ACAT1: variants seen among roughly 807,000 people sequenced by gnomAD.
ACAT1 encodes the protein acetyl-CoA acetyltransferase, mitochondrial.
A neutral mutation model predicts 47.3 loss-of-function variants in ACAT1; 28 were observed. That is an observed-to-expected ratio of 0.59 (90% confidence interval 0.44 to 0.81). The LOEUF (loss-of-function observed/expected upper bound fraction) is 0.81, where lower values mean the gene tolerates loss of function less well. Among genes scored for constraint, ACAT1 ranks in the 30% least tolerant of loss-of-function variants. The probability of loss-of-function intolerance (pLI) is 0.00; values close to 1 mark genes in which losing one functional copy is unlikely to be tolerated. For missense variants in ACAT1, 469 were observed against 524.3 expected, an observed-to-expected ratio of 0.89 and a Z score of 1.03; for synonymous variants, 181 against 173.6, an observed-to-expected ratio of 1.04 and a Z score of -0.34.
Position 108,141,630 on chromosome 11 carries a change from A to G in ACAT1, c.756A>G (p.Glu252=). The stretch of plus-strand genomic sequence containing the variant: ...GTCAACCAGATGTAGTGGTGAAAGA[A>G]GATGAAGAATATAAACGTGTTGATT... ...VKGQPDVVVK[E]DEEYKRVDFS... Residue 252 remains glutamate, a synonymous_variant, in exon 8 of 12, where the codon GAA becomes GAG. Transcript: ENST00000265838. 2 of 1,613,360 alleles carry G rather than the reference A, an allele frequency of 1.2e-6. No homozygotes were observed. The highest frequency in any genetic ancestry group is 2.2e-5 in the South Asian group (2 of 91,074).
At chr11:108,136,634 G>C (rs2077474025) in intron 5 of ACAT1, 1 of 152,090 alleles carries the variant, frequency 6.6e-6, no homozygotes, top group South Asian at 2.1e-4. Flanking sequence ...GTGACTTATA[G>C]GCATTCTTGG....
intron 5 of ACAT1, chr11:108,138,609 C>G (rs1048143557): frequency 4.9e-5 from 19 of 384,436 alleles, no homozygotes; most frequent in Non-Finnish European, 8.9e-5. Flanking sequence ...GTTGGCCAGG[C>G]GGATCCAGAA....
At position 108,138,967 on chromosome 11, in the gene ACAT1, C is replaced by G. The variant is rs1218856386; in HGVS notation, c.505C>G (p.Pro169Ala). 6.2e-7 allele frequency: 1 copy of G among 1,613,932 alleles called. No homozygotes were observed. ...VPYVMNRGST[P>A]YGGVKLEDLI... ...ATATGTAATGAACAGAGGATCAACA[C>G]CATATGGTGGGGTAAAGCTTGAAGA... The change falls in exon 6 of 12, where the codon CCA becomes GCA. Residue 169 changes from proline (P) to alanine (A), a missense_variant. Physicochemically the swap from Pro to Ala is conservative, Grantham distance 27. Coordinates refer to ENST00000265838, the MANE Select transcript of ACAT1 (RefSeq NM_000019.4).
At chr11:108,127,361 T>A in intron 1 of ACAT1, among the ~76,000 whole-genome samples, 1 of 150,436 alleles carries the variant, frequency 6.6e-6, no homozygotes. Flanking sequence ...ACTTCCCGGG[T>A]TCACACCATT....
chr11:108,122,162 G>A (rs1271611663), intron 1 of ACAT1, among the ~76,000 whole-genome samples: 2 of 152,240 alleles, frequency 1.3e-5, no homozygotes, highest in Non-Finnish European at 2.9e-5. Context: ...CATAACAGAT[G>A]TTTTTTGGAG....
chr11:108,122,461 C>T (rs1326833644), intron 1 of ACAT1, among the ~76,000 whole-genome samples: 2 of 152,348 alleles, frequency 1.3e-5, no homozygotes. Flanking sequence ...GGGCAATAAG[C>T]TTGGAGATCC....
intron 10 of ACAT1, among the ~76,000 whole-genome samples, chr11:108,145,887 A>G (rs745417136): frequency 3.9e-5 from 6 of 152,138 alleles, no homozygotes; most frequent in Non-Finnish European, 1.5e-5. Context: ...CTCTACTAAA[A>G]ATACAAAAAA....
chr11:108,136,715 C>T (rs1449759546), intron 5 of ACAT1: 1 of 152,022 alleles, frequency 6.6e-6, no homozygotes, highest in Non-Finnish European at 1.5e-5. Flanking sequence ...GAATTGATAC[C>T]TTATTTTCTG....
chr11:108,140,016 T>C, intron 6 of ACAT1, 49 bp from the exon 7 acceptor site: 1 of 1,572,626 alleles, frequency 6.4e-7, no homozygotes, highest in Non-Finnish European at 8.7e-7. Context: ...TAATAGATAT[T>C]TTCTAAATTA....
chr11:108,144,552 G>C lies in ACAT1; in HGVS notation c.1005+505G>C, dbSNP rs73559266. ...TGCTAAGCAGTCACAGGAAAAGAAA[G>C]TTTTAGGGGTTCAGGGTTCTTAGAA... is the stretch of plus-strand genomic sequence containing the variant. On this transcript the variant is annotated intron_variant, in intron 10 of 11. Coordinates refer to ENST00000265838, the MANE Select transcript of ACAT1 (RefSeq NM_000019.4). Among the ~76,000 whole-genome samples, 1,374 of 152,252 alleles carry C rather than the reference G, an allele frequency of 9.0e-3. 21 individuals carry two copies. Among genetic ancestry groups the C allele is most frequent in the African/African-American group, 0.031 (1,295 of 41,544 alleles).
At chr11:108,122,653 A>G (rs1418484845) in intron 1 of ACAT1, among the ~76,000 whole-genome samples, 1 of 152,210 alleles carries the variant, frequency 6.6e-6, no homozygotes, top group African/African-American at 2.4e-5. Context: ...AGGACTTGAC[A>G]ATTAGGGAGT....
At chr11:108,116,817 G>C (rs532872381), upstream of ACAT1, among the ~76,000 whole-genome samples, 54 of 152,262 alleles carry the variant, frequency 3.5e-4, no homozygotes, top group African/African-American at 1.3e-3. Context: ...ATCTTGGAGA[G>C]AGGCATGGAA....
At chr11:108,118,138 C>T (rs1435711747), upstream of ACAT1, among the ~76,000 whole-genome samples, 1 of 152,058 alleles carries the variant, frequency 6.6e-6, no homozygotes, top group Non-Finnish European at 1.5e-5. Context: ...TTTTCTTTGG[C>T]CAGGTGTGGT....
chr11:108,147,522 A>G lies in ACAT1; in HGVS notation c.*132A>G. The G allele has an allele frequency of 8.2e-7, 1 of 1,218,246 alleles. No individual in the cohort carries two copies. The highest frequency in any genetic ancestry group is 1.1e-6 in the Non-Finnish European group (1 of 870,328). The allele number at this position is 1,218,246 out of a possible 1,614,324, so 75.5% of individuals were successfully genotyped here. A position where few individuals can be genotyped will look rare whatever the true frequency, so the allele number is the denominator to read the frequency against. ...TATTATTTTCTATGTTAACTTTTAA[A>G]AATCAAAATGATGAAATCCCAAAAC... On this transcript the variant is annotated 3_prime_UTR_variant, in exon 12 of 12. Coordinates refer to ENST00000265838, the MANE Select transcript of ACAT1 (RefSeq NM_000019.4).
chr11:108,118,777 G>T (rs1349070448), upstream of ACAT1, among the ~76,000 whole-genome samples: 2 of 152,214 alleles, frequency 1.3e-5, no homozygotes, highest in African/African-American at 4.8e-5. Context: ...AGAGCAGCTT[G>T]CCTGCTGTAG....
intron 6 of ACAT1, among the ~76,000 whole-genome samples, chr11:108,139,315 G>C (rs559148387): frequency 8.9e-4 from 136 of 152,240 alleles, no homozygotes; most frequent in African/African-American, 2.9e-3. Flanking sequence ...GAGTGGCTGG[G>C]TGCGGTGGCT....
chr11:108,145,030 G>C (rs2077676116), intron 10 of ACAT1, among the ~76,000 whole-genome samples: 3 of 152,146 alleles, frequency 2.0e-5, no homozygotes, highest in African/African-American at 7.2e-5. Context: ...GGAAGATGGA[G>C]GAAGAGTTCC....
chr11:108,131,326 A>G (rs968655653), intron 1 of ACAT1, among the ~76,000 whole-genome samples: 1 of 132,120 alleles, frequency 7.6e-6, no homozygotes. Flanking sequence ...ACTACATTTT[A>G]GAAAGCTATA....
intron 10 of ACAT1, 164 bp downstream of exon 10, chr11:108,144,211 T>TA: frequency 1.5e-6 from 1 of 648,058 alleles, no homozygotes; most frequent in Non-Finnish European, 2.5e-6. Context: ...GCAACAAGGA[T>TA]AACAAACAAA....
Sources: gnomAD v4.1 joint callset for allele counts (sites outside exome capture counted in the v4.1 genomes callset) on GRCh38, gnomAD v4.1.1 for gene constraint, MANE v1.5 for transcripts, NCBI Gene and HGNC (gene_info 2026-07-23, HGNC 2026-07-21) for gene names.